TTC17: variants seen among roughly 807,000 people sequenced by gnomAD.
TTC17 encodes the protein tetratricopeptide repeat protein 17.
In TTC17, 58 loss-of-function variants were observed where a neutral mutation model predicts 143.8. That is an observed-to-expected ratio of 0.40 (90% CI 0.33 to 0.50). TTC17 has a LOEUF of 0.50. Among genes scored for constraint, TTC17 ranks in the 20% least tolerant of loss-of-function variants. TTC17 has a pLI of 0.49. For missense variants in TTC17, 1,273 were observed against 1,392.5 expected, an observed-to-expected ratio of 0.91 and a Z score of 1.37; for synonymous variants, 501 against 497.8, an observed-to-expected ratio of 1.01 and a Z score of -0.09.
At chr11:43,398,652 T>A (rs1857718858) in intron 8 of TTC17, among the ~76,000 whole-genome samples, 1 of 152,218 alleles carries the variant, frequency 6.6e-6, no homozygotes, top group Admixed American at 6.5e-5. Flanking sequence ...AATTCTATTG[T>A]ATTTGATCCT....
At chr11:43,380,260 T>C (rs1294529379) in intron 2 of TTC17, among the ~76,000 whole-genome samples, 1 of 151,302 alleles carries the variant, frequency 6.6e-6, no homozygotes, top group Non-Finnish European at 1.5e-5. Flanking sequence ...TGTTTTGTTT[T>C]GTTTTGTTTT....
intron 2 of TTC17, among the ~76,000 whole-genome samples, chr11:43,382,557 A>T (rs1341752998): frequency 3.3e-5 from 5 of 152,224 alleles, no homozygotes; most frequent in African/African-American, 1.2e-4. Flanking sequence ...AAACTTAAGG[A>T]TGTTGCTTGC....
At chr11:43,486,628 G>A (rs1052792512) in intron 21 of TTC17, among the ~76,000 whole-genome samples, 7 of 152,174 alleles carry the variant, frequency 4.6e-5, no homozygotes, top group African/African-American at 1.7e-4. Context: ...GAACACGTAA[G>A]TAAATACAAG....
intron 21 of TTC17, 85 bp from the exon 22 acceptor site, chr11:43,490,154 A>G (rs1948448557): frequency 1.3e-6 from 2 of 1,524,780 alleles, no homozygotes; most frequent in Non-Finnish European, 8.9e-7. Context: ...TTGAATGGTC[A>G]TGACTTGTGT....
chr11:43,493,950 AAAG>A lies in TTC17; in HGVS notation c.*49_*51del. 6 of 1,517,758 alleles carry A rather than the reference AAAG, an allele frequency of 4.0e-6. No individual in the cohort carries two copies. The highest frequency in any genetic ancestry group is 4.4e-6 in the Non-Finnish European group (5 of 1,133,456). The allele number at this position is 1,517,758 out of a possible 1,614,324, so 94.0% of individuals were successfully genotyped here. A position where few individuals can be genotyped will look rare whatever the true frequency, so the allele number is the denominator to read the frequency against. On this transcript the variant is annotated 3_prime_UTR_variant, in exon 24 of 24. Transcript: ENST00000039989. ...TTCTCTTTACTCATGCTCTAAAAAA[AAAG>A]AATAAGAAAAGAAACCAATCATTGT...
chr11:43,412,981 G>GACACAC (rs57982323), intron 15 of TTC17, among the ~76,000 whole-genome samples: 2,204 of 140,442 alleles, frequency 0.016, 31 homozygotes, highest in African/African-American at 0.044. Context: ...ACCTAGAATA[G>GACACAC]ACACACACAC....
Position 43,494,076 on chromosome 11 carries a change from C to T in TTC17, c.*172C>T. The T allele has an allele frequency of 1.0e-6, 1 of 974,730 alleles. No individual in the cohort carries two copies. Among genetic ancestry groups the T allele is most frequent in the Non-Finnish European group, 1.4e-6 (1 of 696,910 alleles). 60.4% of individuals were successfully genotyped at this position (974,730 alleles called of 1,614,324 possible). A position where few individuals can be genotyped will look rare whatever the true frequency, so the allele number is the denominator to read the frequency against. On this transcript the variant is annotated 3_prime_UTR_variant, in exon 24 of 24. Coordinates refer to ENST00000039989, the MANE Select transcript of TTC17 (RefSeq NM_018259.6). ...GGTTTGTTTTTGTTTTTACGTTTCT[C>T]CTTTCCCCCAACCAACCTCAGAAGA...
At chr11:43,448,258 G>C in intron 19 of TTC17, 136 bp downstream of exon 19, 3 of 1,319,940 alleles carry the variant, frequency 2.3e-6, no homozygotes, top group Non-Finnish European at 3.1e-6. Context: ...TGACCATGCT[G>C]ACCATGGCCC....
At chr11:43,432,312 G>A (rs1947177316) in intron 16 of TTC17, among the ~76,000 whole-genome samples, 1 of 152,184 alleles carries the variant, frequency 6.6e-6, no homozygotes, top group Non-Finnish European at 1.5e-5. Context: ...TTATGCAGGA[G>A]ATATCTAAGC....
intron 16 of TTC17, among the ~76,000 whole-genome samples, chr11:43,432,603 A>C (rs910331450): frequency 1.3e-5 from 2 of 152,220 alleles, no homozygotes. Flanking sequence ...AGGTTAGTGT[A>C]AGTCATAGAA....
intron 21 of TTC17, among the ~76,000 whole-genome samples, chr11:43,473,040 T>A (rs564111630): frequency 2.0e-5 from 3 of 151,844 alleles, no homozygotes; most frequent in South Asian, 4.2e-4. Context: ...CCATGTGCGG[T>A]GGTGCGTGCC....
At chr11:43,368,115 G>C (rs1361994599) in intron 1 of TTC17, among the ~76,000 whole-genome samples, 1 of 152,072 alleles carries the variant, frequency 6.6e-6, no homozygotes, top group Non-Finnish European at 1.5e-5. Flanking sequence ...CTCAGTCCCT[G>C]GCCCTGACTT....
intron 12 of TTC17, 59 bp from the exon 13 acceptor site, chr11:43,405,727 T>G (rs1215557177): frequency 6.2e-7 from 1 of 1,611,780 alleles, no homozygotes; most frequent in Admixed American, 1.7e-5. Context: ...AGTTAAGTCT[T>G]TATCTTGAAG....
At chr11:43,456,991 T>C (rs1181142303) in intron 21 of TTC17, among the ~76,000 whole-genome samples, 1 of 152,018 alleles carries the variant, frequency 6.6e-6, no homozygotes, top group East Asian at 1.9e-4. Context: ...TATGGCTTTT[T>C]CCCCTCAGGA....
chr11:43,360,626 A>G (rs1009771193), intron 1 of TTC17, among the ~76,000 whole-genome samples: 3 of 152,204 alleles, frequency 2.0e-5, no homozygotes, highest in African/African-American at 7.2e-5. Context: ...CACTCAGCTG[A>G]AAAAGTAGCC....
intron 16 of TTC17, among the ~76,000 whole-genome samples, chr11:43,439,707 G>A (rs1326239731): frequency 6.6e-6 from 1 of 152,074 alleles, no homozygotes; most frequent in African/African-American, 2.4e-5. Context: ...CTGACCTCAG[G>A]TGATCCTCCC....
At chr11:43,367,714 CTGTGTGTGTGTGTGTG>C (rs3083209) in intron 1 of TTC17, among the ~76,000 whole-genome samples, 52 of 147,188 alleles carry the variant, frequency 3.5e-4, no homozygotes, top group Non-Finnish European at 7.4e-4. Context: ...AGGGGAATGT[CTGTGTGTGTGTGTGTG>C]TGTGTGTGTG....
At chr11:43,426,668 C>T (rs1947035937) in intron 16 of TTC17, among the ~76,000 whole-genome samples, 1 of 152,114 alleles carries the variant, frequency 6.6e-6, no homozygotes, top group Non-Finnish European at 1.5e-5. Flanking sequence ...TGATCTTTTT[C>T]CTTCTATCTA....
chr11:43,423,147 AG>A (rs1405496358), intron 16 of TTC17, among the ~76,000 whole-genome samples: 1 of 152,194 alleles, frequency 6.6e-6, no homozygotes, highest in Non-Finnish European at 1.5e-5. Flanking sequence ...GCAACATATT[AG>A]GTGACTTGTC....
Sources: gnomAD v4.1 joint callset for allele counts (sites outside exome capture counted in the v4.1 genomes callset) on GRCh38, gnomAD v4.1.1 for gene constraint, MANE v1.5 for transcripts, NCBI Gene and HGNC (gene_info 2026-07-23, HGNC 2026-07-21) for gene names.